The following RYR2 variants were observed in gnomAD, a reference collection of about 807,000 sequenced individuals.
The protein encoded by RYR2 is cardiac muscle ryanodine receptor-calcium release channel.
RYR2 carries 227 observed loss-of-function variants against 601.1 expected under a neutral mutation model. The ratio of observed to expected loss-of-function variants is 0.38; its 90% CI spans 0.34 to 0.42. RYR2 has a LOEUF of 0.42. Among genes scored for constraint, RYR2 ranks in the 10% least tolerant of loss-of-function variants. The pLI is 1.00. For missense variants in RYR2, 4,646 were observed against 6,156.5 expected (o/e 0.75, Z 8.21); for synonymous variants, 2,223 against 2,175.1 (o/e 1.02, Z -0.61).
chr1:237,627,973 G>A lies in RYR2; in HGVS notation c.6333G>A (p.Val2111=), dbSNP rs1385073192. The A allele has an allele frequency of 6.2e-7, 1 of 1,613,936 alleles. No individual in the cohort carries two copies. Among genetic ancestry groups the A allele is most frequent in the South Asian group, 1.1e-5 (1 of 91,082 alleles). The change falls in exon 41 of 105, where the codon GTG becomes GTA. Residue 2111 remains valine, a synonymous_variant. Coordinates refer to ENST00000366574, the MANE Select transcript of RYR2 (RefSeq NM_001035.3). The part of the protein sequence containing the change: ...ALPKTYTING[V]SVEDTINLLA... ...CAAAGACCTACACGATAAATGGTGT[G>A]TCCGTGGAGGACACCATCAACCTGC...
At chr1:237,707,388 A>C (rs564736963) in intron 68 of RYR2, 119 bp downstream of exon 68, 2 of 556,200 alleles carry the variant, frequency 3.6e-6, no homozygotes, top group Non-Finnish European at 3.0e-6. Context: ...TTACTCAAAA[A>C]TATTAGTATT....
chr1:237,217,931 A>T (rs551008033), intron 1 of RYR2, among the ~76,000 whole-genome samples: 6 of 152,196 alleles, frequency 3.9e-5, no homozygotes, highest in Non-Finnish European at 8.8e-5. Flanking sequence ...AATGGAGACA[A>T]GGGGATTAAT....
chr1:237,336,978 C>T (rs768753936), intron 3 of RYR2, among the ~76,000 whole-genome samples: 83 of 151,802 alleles, frequency 5.5e-4, no homozygotes, highest in African/African-American at 7.5e-4. Flanking sequence ...GGGCTGGGCA[C>T]GGTGGCTCAC....
rs557529239 is a variant in RYR2, at chr1:237,464,846, C to G, written c.1613-4246C>G. On this transcript the variant is annotated intron_variant, in intron 16 of 104. Transcript: ENST00000366574. ...TTCATCAGACTTTAGCAGATGTACA[C>G]TTCTGTGCTGAGGTAATGTCACCAT... Among the ~76,000 whole-genome samples the G allele has an allele frequency of 5.9e-5, 9 of 152,292 alleles. No homozygotes were observed. In the East Asian group the frequency reaches 7.7e-4, roughly 13 times the overall value.
In RYR2 at chr1:237,687,468, C is replaced by A. The variant is rs769671552; in HGVS notation, c.9031C>A (p.Leu3011Ile). 1 of 1,473,660 alleles carries A rather than the reference C, an allele frequency of 6.8e-7. No individual in the cohort carries two copies. The highest frequency in any genetic ancestry group is 1.1e-5 in the South Asian group (1 of 88,156). The allele number at this position is 1,473,660 out of a possible 1,614,324, so 91.3% of individuals were successfully genotyped here. A position where few individuals can be genotyped will look rare whatever the true frequency, so the allele number is the denominator to read the frequency against. ...TTTTGTCTTCAGCCTATTCTGCAAA[C>A]TTGGAGTTCTTGTCAGGCATAGGAT... is the stretch of plus-strand genomic sequence containing the variant. The part of the protein sequence containing the change: ...KEMVTSLFCK[L>I]GVLVRHRISL... Residue 3011 changes from leucine (L) to isoleucine (I), a missense_variant, in exon 63 of 105, where the codon CTT (leucine) becomes ATT (isoleucine). Around this residue, in one of 17 missense-constraint regions of RYR2, gnomAD observed 1,497 missense variants for 1,842.6 expected, o/e 0.81. Coordinates refer to ENST00000366574, the MANE Select transcript of RYR2 (RefSeq NM_001035.3).
At chr1:237,397,230 T>C (rs1458330986) in intron 10 of RYR2, among the ~76,000 whole-genome samples, 2 of 151,038 alleles carry the variant, frequency 1.3e-5, no homozygotes, top group African/African-American at 4.9e-5. Context: ...AGAGCGAGAC[T>C]GTTTCAAAAA....
At chr1:237,505,411 T>C (rs926180062) in intron 22 of RYR2, among the ~76,000 whole-genome samples, 1 of 152,234 alleles carries the variant, frequency 6.6e-6, no homozygotes, top group Non-Finnish European at 1.5e-5. Flanking sequence ...CTTGAATTAA[T>C]ACCATGCCTC....
Position 237,270,561 on chromosome 1 carries a change from C to T in RYR2, c.113C>T (p.Ala38Val). The T allele has an allele frequency of 1.3e-6, 2 of 1,598,872 alleles. No individual in the cohort carries two copies. Among genetic ancestry groups the T allele is most frequent in the Non-Finnish European group, 8.5e-7 (1 of 1,172,434 alleles). ...IHKEQQKLCL[A>V]AEGFGNRLCF... ...AAAGAACAACAGAAGCTATGCTTGG[C>T]AGCAGAAGGATTTGGCAACAGACTT... The change falls in exon 2 of 105, where the codon GCA (alanine) becomes GTA (valine). Residue 38 changes from alanine to valine, a missense_variant. Ala to Val is a moderately conservative substitution (Grantham distance 64). Transcript: ENST00000366574.
At chr1:237,628,174 T>A in intron 41 of RYR2, 94 bp downstream of exon 41, 1 of 1,347,838 alleles carries the variant, frequency 7.4e-7, no homozygotes, top group Non-Finnish European at 1.0e-6. Flanking sequence ...GATAAAAATA[T>A]ATTGTCTGGA....
In RYR2 at chr1:237,159,120, T is replaced by C. The variant is rs547545934; in HGVS notation, c.49-111377T>C. 7.9e-5 allele frequency among the ~76,000 whole-genome samples: 12 copies of C among 151,928 alleles called. No homozygotes were observed. In the East Asian group the frequency reaches 2.1e-3, roughly 27 times the overall value. On this transcript the variant is annotated intron_variant, in intron 1 of 104. Coordinates refer to ENST00000366574, the MANE Select transcript of RYR2 (RefSeq NM_001035.3). ...CTAGCCTGACCAACATGAAGAAACC[T>C]GTCTCTACTAAAAATACAAAATTAG...
At chr1:237,118,030 G>A (rs1207094618) in intron 1 of RYR2, among the ~76,000 whole-genome samples, 1 of 152,182 alleles carries the variant, frequency 6.6e-6, no homozygotes, top group East Asian at 1.9e-4. Flanking sequence ...ACAGGCGTGA[G>A]CCACTGAGCC....
At chr1:237,187,443 CTTTT>C (rs10686110) in intron 1 of RYR2, among the ~76,000 whole-genome samples, 3 of 86,784 alleles carry the variant, frequency 3.5e-5, no homozygotes, top group East Asian at 6.9e-4. Context: ...GCCCGGCCGA[CTTTT>C]TTTTTTTTTT....
At chr1:237,760,117 G>A (rs1340356666) in intron 83 of RYR2, among the ~76,000 whole-genome samples, 1 of 151,424 alleles carries the variant, frequency 6.6e-6, no homozygotes, top group Non-Finnish European at 1.5e-5. Context: ...GGAAGAGATA[G>A]GAGGATCCCT....
rs1226320903 is a variant in RYR2 at position 237,309,033 on chromosome 1, C to A, written c.169-21845C>A. On this transcript the variant is annotated intron_variant, in intron 2 of 104. Transcript: ENST00000366574. ...GATTGGTGCATTTACAAACCTTGAGCTAGACACAGGGTGCTGATTGGTGTG... is the reference window on the plus strand; with the variant it reads ...GATTGGTGCATTTACAAACCTTGAGATAGACACAGGGTGCTGATTGGTGTG... Among the ~76,000 whole-genome samples the A allele has an allele frequency of 6.0e-5, 9 of 149,822 alleles. No individual in the cohort carries two copies. In the East Asian group the frequency reaches 7.9e-4, roughly 13 times the overall value.
chr1:237,488,394 C>T (rs998288490), intron 17 of RYR2, among the ~76,000 whole-genome samples: 2 of 152,186 alleles, frequency 1.3e-5, no homozygotes, highest in Non-Finnish European at 2.9e-5. Context: ...GAAAGTTCGT[C>T]CTCACATGGT....
At chr1:237,354,539 A>AT (rs1221947185) in intron 3 of RYR2, among the ~76,000 whole-genome samples, 1 of 152,000 alleles carries the variant, frequency 6.6e-6, no homozygotes, top group Non-Finnish European at 1.5e-5. Flanking sequence ...ATTTTTTTAG[A>AT]TTTTTTTGGG....
At chr1:237,425,533 CT>C (rs1314932606) in intron 12 of RYR2, among the ~76,000 whole-genome samples, 1 of 151,960 alleles carries the variant, frequency 6.6e-6, no homozygotes, top group African/African-American at 2.4e-5. Context: ...ACTCGGGAAG[CT>C]GAGGCAGGAG....
rs1004053305 is a variant in RYR2, at chr1:237,367,130, G to C, written c.310-2404G>C. 3.3e-5 allele frequency among the ~76,000 whole-genome samples: 5 copies of C among 152,016 alleles called. No homozygotes were observed. In the South Asian group the frequency reaches 8.3e-4, roughly 25 times the overall value. On this transcript the variant is annotated intron_variant, in intron 5 of 104. Transcript: ENST00000366574. ...TGTTTTCGAGATAGAATCTCGCTCT[G>C]TTGCCCAGGCTGGAGTGCAGCGGTG...
chr1:237,516,986 A>G (rs1256190695), intron 24 of RYR2, among the ~76,000 whole-genome samples: 7 of 152,070 alleles, frequency 4.6e-5, no homozygotes, highest in Non-Finnish European at 8.8e-5. Context: ...ATTCATTCAT[A>G]TTTTGCTTAA....
Sources: gnomAD v4.1 joint callset for allele counts (sites outside exome capture counted in the v4.1 genomes callset) on GRCh38, gnomAD v4.1.1 for gene constraint, gnomAD v4.1.1 regional missense constraint, MANE v1.5 for transcripts, NCBI Gene and HGNC (gene_info 2026-07-23, HGNC 2026-07-21) for gene names.